Variants in CFAP100 observed in about 807,000 individuals in gnomAD.
CFAP100 encodes cilia and flagella associated protein 100, also known as cilia- and flagella-associated protein 100.
Under a neutral mutation model 81.5 loss-of-function variants are expected in CFAP100, and 70 were observed. The ratio of observed to expected loss-of-function variants is 0.86; its 90% CI spans 0.71 to 1.05. The LOEUF (loss-of-function observed/expected upper bound fraction) is 1.05, where lower values mean the gene tolerates loss of function less well. CFAP100 is among the 50% of genes least tolerant of loss of function. CFAP100 has a pLI of 0.00. For synonymous variants in CFAP100, 341 were observed against 314.8 expected, an observed-to-expected ratio of 1.08 and a Z score of -0.88; for missense variants, 811 against 776.5, an observed-to-expected ratio of 1.04 and a Z score of -0.53.
chr3:126,411,369 T>G (rs1399833124), intron 3 of CFAP100, among the ~76,000 whole-genome samples: 1 of 138,208 alleles, frequency 7.2e-6, no homozygotes, highest in Non-Finnish European at 1.6e-5. Flanking sequence ...TGGTTTTTTT[T>G]TTTTTTTTTT....
intron 2 of CFAP100, among the ~76,000 whole-genome samples, chr3:126,404,600 A>G (rs1274634886): frequency 6.6e-6 from 1 of 152,204 alleles, no homozygotes; most frequent in Non-Finnish European, 1.5e-5. Context: ...GAGGCAGTTA[A>G]TCGGTAACAA....
At chr3:126,421,422 T>A (rs2083330622) in intron 11 of CFAP100, among the ~76,000 whole-genome samples, 1 of 152,258 alleles carries the variant, frequency 6.6e-6, no homozygotes, top group Non-Finnish European at 1.5e-5. Flanking sequence ...TAAGAAATAT[T>A]TGCCAACATC....
At chr3:126,420,070 A>AG (rs1269572083) in intron 10 of CFAP100, 33 bp from the exon 11 acceptor site, 1 of 1,613,262 alleles carries the variant, frequency 6.2e-7, no homozygotes, top group Admixed American at 1.7e-5. Flanking sequence ...TGCCCTGCAC[A>AG]GGGCTCGGAA....
At chr3:126,402,980 G>C (rs2083008244) in intron 2 of CFAP100, among the ~76,000 whole-genome samples, 1 of 152,128 alleles carries the variant, frequency 6.6e-6, no homozygotes, top group Non-Finnish European at 1.5e-5. Flanking sequence ...TGTGGAATGA[G>C]GGAGAAGAGG....
chr3:126,420,442 G>A (rs1433988408), intron 11 of CFAP100, among the ~76,000 whole-genome samples: 2 of 152,230 alleles, frequency 1.3e-5, no homozygotes, highest in African/African-American at 4.8e-5. Context: ...GGTTCCCATG[G>A]GAATTAAGGT....
intron 3 of CFAP100, among the ~76,000 whole-genome samples, chr3:126,413,417 G>A (rs897442294): frequency 2.6e-5 from 4 of 152,324 alleles, no homozygotes; most frequent in Non-Finnish European, 4.4e-5. Flanking sequence ...TGGGCTGGTG[G>A]GGAAGGCAGC....
intron 2 of CFAP100, among the ~76,000 whole-genome samples, chr3:126,406,616 C>G (rs943694120): frequency 2.0e-5 from 3 of 152,226 alleles, no homozygotes. Context: ...GGGAGCCCAC[C>G]CCGGGCGGGA....
intron 12 of CFAP100, 37 bp from the exon 13 acceptor site, chr3:126,423,456 T>A: frequency 6.2e-7 from 1 of 1,613,208 alleles, no homozygotes; most frequent in Non-Finnish European, 8.5e-7. Context: ...TCTGGCTCTG[T>A]CCCTGTCCAG....
intron 13 of CFAP100, among the ~76,000 whole-genome samples, chr3:126,427,214 A>G (rs1932984174): frequency 6.6e-6 from 1 of 152,252 alleles, no homozygotes; most frequent in Non-Finnish European, 1.5e-5. Context: ...GAAGATGAAC[A>G]AGAAAACTGG....
intron 5 of CFAP100, among the ~76,000 whole-genome samples, chr3:126,417,448 T>C (rs560110325): frequency 1.3e-5 from 2 of 152,326 alleles, no homozygotes; most frequent in East Asian, 3.9e-4. Flanking sequence ...CATGTGACTC[T>C]GAAACACACA....
chr3:126,420,359 G>C (rs1342900295), intron 11 of CFAP100, 130 bp downstream of exon 11: 2 of 1,321,916 alleles, frequency 1.5e-6, no homozygotes, highest in Non-Finnish European at 1.0e-6. Context: ...ACTCCAAGAA[G>C]GGCCAGACAG....
intron 2 of CFAP100, among the ~76,000 whole-genome samples, chr3:126,403,120 G>C (rs1331316263): frequency 2.6e-5 from 4 of 152,146 alleles, no homozygotes; most frequent in African/African-American, 4.8e-5. Flanking sequence ...GCGATGTGTA[G>C]GTGTCAGTGT....
Position 126,409,287 on chromosome 3 carries a change from T to C in CFAP100, c.130+2035T>C, listed in dbSNP as rs556059230. ...TCTATCCTTTCAGTTTTCGCTCATA[T>C]CCCGTCTGGGAGAAGCATCCACATT... On this transcript the variant is annotated intron_variant, in intron 3 of 16. Coordinates refer to ENST00000352312, the MANE Select transcript of CFAP100 (RefSeq NM_182628.3). 1.8e-3 allele frequency among the ~76,000 whole-genome samples: 275 copies of C among 152,334 alleles called. 1 individual carries two copies. The highest frequency in any genetic ancestry group is 6.3e-3 in the African/African-American group (262 of 41,564).
chr3:126,412,632 ACT>A (rs994774994), intron 3 of CFAP100, among the ~76,000 whole-genome samples: 44 of 151,962 alleles, frequency 2.9e-4, no homozygotes, highest in Admixed American at 6.6e-5. Flanking sequence ...TATTCAACCA[ACT>A]CTGCATTTTT....
intron 11 of CFAP100, among the ~76,000 whole-genome samples, chr3:126,421,406 C>T (rs1050793839): frequency 4.1e-4 from 62 of 152,170 alleles, no homozygotes; most frequent in African/African-American, 1.4e-3. Context: ...AATTTGGGGC[C>T]CTGCTTAAGA....
At chr3:126,418,562 AGTGGCTGGCC>A in intron 6 of CFAP100, 37 bp downstream of exon 6, 1 of 1,613,610 alleles carries the variant, frequency 6.2e-7, no homozygotes, top group Non-Finnish European at 8.5e-7. Flanking sequence ...GGATGCCAGC[AGTGGCTGGCC>A]CGGGCCAGGC....
chr3:126,395,944 G>A lies in CFAP100; in HGVS notation c.-57G>A. The A allele has an allele frequency of 5.5e-6, 8 of 1,454,606 alleles. No individual in the cohort carries two copies. The highest frequency in any genetic ancestry group is 3.4e-5 in the South Asian group (3 of 87,780). The allele number at this position is 1,454,606 out of a possible 1,614,324, so 90.1% of individuals were successfully genotyped here. On this transcript the variant is annotated splice_region_variant and 5_prime_UTR_variant, in exon 2 of 17. Transcript: ENST00000352312. ...TCAAGCACTGTGTCACTCCTCAGGTGAGGATCTCCTTTAGAAGAGGAGAAG... is the reference window on the plus strand; with the variant it reads ...TCAAGCACTGTGTCACTCCTCAGGTAAGGATCTCCTTTAGAAGAGGAGAAG...
At chr3:126,433,386 C>T (rs1391523911) in intron 14 of CFAP100, 182 bp downstream of exon 14, 4 of 652,826 alleles carry the variant, frequency 6.1e-6, no homozygotes, top group African/African-American at 1.8e-5. Context: ...TGCCAGCCAG[C>T]TTGGTTGCCC....
chr3:126,417,031 C>G (rs1389778443), intron 5 of CFAP100, among the ~76,000 whole-genome samples: 1 of 152,206 alleles, frequency 6.6e-6, no homozygotes, highest in Non-Finnish European at 1.5e-5. Flanking sequence ...ATAAGGGAGG[C>G]TGCTGTATTG....
Sources: gnomAD v4.1 joint callset for allele counts (sites outside exome capture counted in the v4.1 genomes callset) on GRCh38, gnomAD v4.1.1 for gene constraint, MANE v1.5 for transcripts, NCBI Gene and HGNC (gene_info 2026-07-23, HGNC 2026-07-21) for gene names.